Variants in TRIO observed in about 807,000 individuals in gnomAD.
TRIO encodes the protein trio Rho guanine nucleotide exchange factor.
In TRIO, 58 loss-of-function variants were observed where a neutral mutation model predicts 351.9. That is an observed-to-expected ratio of 0.16 (90% confidence interval 0.13 to 0.21). The LOEUF is 0.21. Among genes scored for constraint, TRIO ranks in the 10% least tolerant of loss-of-function variants. TRIO has a pLI of 1.00. For synonymous variants in TRIO, 1,758 were observed against 1,595.7 expected (o/e 1.10, Z -2.42); for missense variants, 3,201 against 4,027.8 (o/e 0.79, Z 5.56).
intron 49 of TRIO, among the ~76,000 whole-genome samples, chr5:14,494,481 G>A (rs1756728368): frequency 6.6e-6 from 1 of 152,184 alleles, no homozygotes; most frequent in South Asian, 2.1e-4. Context: ...AATGCACCTG[G>A]TCACCCAAGA....
intron 34 of TRIO, among the ~76,000 whole-genome samples, chr5:14,459,904 C>CTTTTCTTTTTTCTT (rs1753641045): frequency 1.3e-5 from 2 of 152,134 alleles, no homozygotes; most frequent in South Asian, 4.2e-4. Context: ...CCTCACATTT[C>CTTTTCTTTTTTCTT]TTTTCTTTTT....
intron 1 of TRIO, among the ~76,000 whole-genome samples, chr5:14,191,484 C>G (rs999250774): frequency 1.4e-5 from 2 of 147,314 alleles, no homozygotes; most frequent in Admixed American, 6.8e-5. Context: ...GTCCCAGTTA[C>G]GTCACTCCAT....
intron 1 of TRIO, among the ~76,000 whole-genome samples, chr5:14,197,028 C>G (rs1489243489): frequency 6.6e-6 from 1 of 152,108 alleles, no homozygotes; most frequent in Non-Finnish European, 1.5e-5. Context: ...CACTGTTATT[C>G]TATACTTGTA....
chr5:14,397,299 CT>C, intron 29 of TRIO, 145 bp downstream of exon 29: 1 of 663,728 alleles, frequency 1.5e-6, no homozygotes, highest in Non-Finnish European at 2.5e-6. Context: ...AGTGTCATTG[CT>C]TTTCTTGAGG....
At chr5:14,227,303 C>CA (rs2152216532) in intron 1 of TRIO, among the ~76,000 whole-genome samples, 1 of 152,288 alleles carries the variant, frequency 6.6e-6, no homozygotes, top group South Asian at 2.1e-4. Context: ...TATTTTCTAT[C>CA]AGTCATAGCA....
Position 14,493,626 on chromosome 5 carries a change from G to A in TRIO, c.7880+812G>A, listed in dbSNP as rs189908272. 3.9e-3 allele frequency among the ~76,000 whole-genome samples: 599 copies of A among 152,182 alleles called. 16 individuals are homozygous for A. The highest frequency in any genetic ancestry group is 0.033 in the Admixed American group (499 of 15,286). On this transcript the variant is annotated intron_variant, in intron 49 of 56. Transcript: ENST00000344204. ...GGCCTGCCTGAGACACAACAATATC[G>A]AAATTAGACCAGTTAATAACTCTAC... is the stretch of plus-strand genomic sequence containing the variant.
chr5:14,160,990 A>G (rs536647392), intron 1 of TRIO, among the ~76,000 whole-genome samples: 2 of 152,102 alleles, frequency 1.3e-5, no homozygotes, highest in African/African-American at 2.4e-5. Context: ...GACTCACTCT[A>G]TCTTCTGCCT....
chr5:14,172,094 C>A (rs1039486981), intron 1 of TRIO, among the ~76,000 whole-genome samples: 1 of 152,206 alleles, frequency 6.6e-6, no homozygotes, highest in African/African-American at 2.4e-5. Context: ...CTCTCTCTTT[C>A]TATCTTTTAT....
At chr5:14,447,865 T>A (rs1752554606) in intron 34 of TRIO, among the ~76,000 whole-genome samples, 1 of 152,236 alleles carries the variant, frequency 6.6e-6, no homozygotes, top group South Asian at 2.1e-4. Flanking sequence ...TGAGCACCTC[T>A]GGAAGGCAGA....
chr5:14,354,744 G>A (rs1743462920), intron 11 of TRIO, among the ~76,000 whole-genome samples: 1 of 152,178 alleles, frequency 6.6e-6, no homozygotes, highest in Admixed American at 6.5e-5. Flanking sequence ...AGAGTAATAA[G>A]CTAACTATGC....
intron 9 of TRIO, among the ~76,000 whole-genome samples, chr5:14,319,876 C>G (rs1739715810): frequency 6.6e-6 from 1 of 152,132 alleles, no homozygotes; most frequent in Non-Finnish European, 1.5e-5. Context: ...ATTTTTTCCC[C>G]TCTTAATAAG....
chr5:14,297,949 C>T (rs897538117), intron 7 of TRIO, among the ~76,000 whole-genome samples: 1 of 152,144 alleles, frequency 6.6e-6, no homozygotes, highest in Non-Finnish European at 1.5e-5. Flanking sequence ...TTCCAGAGGC[C>T]CCGCCCCCAG....
chr5:14,143,910 A>G (rs1202485380), intron 1 of TRIO, 28 bp downstream of exon 1: 22 of 1,061,400 alleles, frequency 2.1e-5, no homozygotes, highest in Non-Finnish European at 2.5e-5. Flanking sequence ...CGGCCCGCCC[A>G]GCGGCGCTGC....
chr5:14,418,103 T>A (rs566737400), intron 33 of TRIO, among the ~76,000 whole-genome samples: 1 of 152,120 alleles, frequency 6.6e-6, no homozygotes, highest in African/African-American at 2.4e-5. Flanking sequence ...TGAAGTGCCA[T>A]GGAGGACAGG....
chr5:14,239,664 C>A (rs1794009768), intron 1 of TRIO, among the ~76,000 whole-genome samples: 1 of 152,184 alleles, frequency 6.6e-6, no homozygotes, highest in Non-Finnish European at 1.5e-5. Flanking sequence ...GAATTCTGAT[C>A]AGCTTGAGCC....
intron 18 of TRIO, among the ~76,000 whole-genome samples, chr5:14,371,795 C>T (rs566063847): frequency 6.6e-6 from 1 of 151,974 alleles, no homozygotes; most frequent in Non-Finnish European, 1.5e-5. Context: ...CACTTGCCAC[C>T]ACACCTGGCT....
chr5:14,406,080 TCAAA>T (rs1231446308), intron 32 of TRIO, 90 bp downstream of exon 32: 1 of 1,514,264 alleles, frequency 6.6e-7, no homozygotes, highest in Non-Finnish European at 8.9e-7. Flanking sequence ...ATCCTTTCTC[TCAAA>T]CATTTTGAGG....
intron 11 of TRIO, among the ~76,000 whole-genome samples, chr5:14,338,564 G>A (rs1166652636): frequency 1.3e-5 from 2 of 152,230 alleles, no homozygotes; most frequent in African/African-American, 4.8e-5. Context: ...GAGGGTTAAG[G>A]TGATCTGTGT....
intron 8 of TRIO, among the ~76,000 whole-genome samples, chr5:14,308,258 T>G (rs1324668855): frequency 1.3e-5 from 2 of 151,660 alleles, no homozygotes; most frequent in African/African-American, 4.9e-5. Context: ...TGCATCCATC[T>G]GTCCACCTAA....
Sources: allele counts gnomAD v4.1 joint callset (sites outside exome capture counted in the v4.1 genomes callset), GRCh38; gene constraint gnomAD v4.1.1; transcripts MANE v1.5; gene names NCBI Gene and HGNC (gene_info 2026-07-23, HGNC 2026-07-21).